Variants in IP6K1 observed in about 807,000 individuals in gnomAD.
IP6K1 encodes ATP:1D-myo-inositol-hexakisphosphate phosphotransferase.
A neutral mutation model predicts 38.3 loss-of-function variants in IP6K1; 13 were observed. The observed-to-expected ratio is 0.34, with a 90% CI of 0.22 to 0.54. The LOEUF (loss-of-function observed/expected upper bound fraction) is 0.54. Ranked by LOEUF, IP6K1 falls within the 20% of genes least tolerant of loss-of-function variation. The pLI, the probability that IP6K1 is intolerant of heterozygous loss-of-function variation, is 0.92. For synonymous variants in IP6K1, 212 were observed against 229.9 expected, an observed-to-expected ratio of 0.92 and a Z score of 0.70; for missense variants, 397 against 599.8, an observed-to-expected ratio of 0.66 and a Z score of 3.53.
intron 1 of IP6K1, among the ~76,000 whole-genome samples, chr3:49,751,155 T>TG (rs60480891): frequency 0.41 from 37,989 of 93,754 alleles, 5,192 homozygotes; most frequent in South Asian, 0.49. Context: ...CTCCTTTTTT[T>TG]TTTGTTGTTG....
At chr3:49,772,102 T>C (rs2080964813) in intron 1 of IP6K1, among the ~76,000 whole-genome samples, 1 of 151,710 alleles carries the variant, frequency 6.6e-6, no homozygotes, top group Non-Finnish European at 1.5e-5. Context: ...CCCAGCTACT[T>C]GGGAAGCTGA....
At chr3:49,781,140 C>T (rs1356698725) in intron 1 of IP6K1, among the ~76,000 whole-genome samples, 2 of 151,510 alleles carry the variant, frequency 1.3e-5, no homozygotes, top group African/African-American at 2.4e-5. Flanking sequence ...CAGCTCACTG[C>T]AACCTCTGCC....
chr3:49,772,227 AT>A (rs1165368259), intron 1 of IP6K1, among the ~76,000 whole-genome samples: 105 of 106,686 alleles, frequency 9.8e-4, no homozygotes, highest in South Asian at 2.4e-3. Flanking sequence ...AAAAAAAAAT[AT>A]ATATATATAT....
intron 1 of IP6K1, among the ~76,000 whole-genome samples, chr3:49,756,498 G>A (rs547206731): frequency 1.1e-4 from 16 of 152,152 alleles, no homozygotes; most frequent in African/African-American, 3.9e-4. Context: ...AGTGATACAG[G>A]GGAAATCAAA....
intron 1 of IP6K1, among the ~76,000 whole-genome samples, chr3:49,760,460 C>T (rs560569862): frequency 1.3e-5 from 2 of 151,986 alleles, no homozygotes; most frequent in East Asian, 1.9e-4. Context: ...CCCGTCTTTA[C>T]TAAAAATACA....
intron 1 of IP6K1, chr3:49,775,510 T>C (rs747750790): frequency 4.8e-5 from 43 of 890,778 alleles, no homozygotes; most frequent in Non-Finnish European, 6.7e-5. Context: ...GAGTGCACCA[T>C]CTAGGAGAAG....
intron 1 of IP6K1, among the ~76,000 whole-genome samples, chr3:49,759,965 C>T (rs1271666621): frequency 6.6e-6 from 1 of 152,166 alleles, no homozygotes; most frequent in African/African-American, 2.4e-5. Context: ...TGCAGTGGCA[C>T]GATCACGGGT....
intron 1 of IP6K1, among the ~76,000 whole-genome samples, chr3:49,783,442 G>C (rs2081084944): frequency 6.6e-6 from 1 of 151,954 alleles, no homozygotes; most frequent in African/African-American, 2.4e-5. Context: ...GCTGGGTGCA[G>C]TAGCTCTCGC....
At chr3:49,744,011 G>T (rs1199612238) in intron 2 of IP6K1, among the ~76,000 whole-genome samples, 2 of 152,142 alleles carry the variant, frequency 1.3e-5, no homozygotes, top group African/African-American at 4.8e-5. Context: ...AATGGTGTGT[G>T]TAATGCCTAA....
chr3:49,749,470 A>C (rs942075616), intron 1 of IP6K1, among the ~76,000 whole-genome samples: 7 of 152,238 alleles, frequency 4.6e-5, no homozygotes, highest in Non-Finnish European at 1.0e-4. Flanking sequence ...AATACATCAG[A>C]AAGATTAAGA....
chr3:49,752,725 G>T (rs2080789144), intron 1 of IP6K1, among the ~76,000 whole-genome samples: 1 of 150,938 alleles, frequency 6.6e-6, no homozygotes, highest in South Asian at 2.1e-4. Flanking sequence ...CAAAGTGCTG[G>T]GGATTACAGG....
chr3:49,744,492 G>A (rs2080704779), intron 2 of IP6K1, among the ~76,000 whole-genome samples: 1 of 150,360 alleles, frequency 6.7e-6, no homozygotes, highest in Non-Finnish European at 1.5e-5. Context: ...GTATAGACTT[G>A]TGGATATTTT....
chr3:49,784,041 G>A (rs1485468031), intron 1 of IP6K1, among the ~76,000 whole-genome samples: 2 of 151,870 alleles, frequency 1.3e-5, no homozygotes, highest in Non-Finnish European at 2.9e-5. Context: ...TTTGGAGACT[G>A]AGTCTCACTC....
At chr3:49,752,845 C>T (rs1360728624) in intron 1 of IP6K1, among the ~76,000 whole-genome samples, 1 of 151,734 alleles carries the variant, frequency 6.6e-6, no homozygotes, top group Non-Finnish European at 1.5e-5. Context: ...CCTCCACCTC[C>T]TGGGTTCAAG....
intron 2 of IP6K1, among the ~76,000 whole-genome samples, chr3:49,739,091 T>C (rs1335424049): frequency 3.3e-5 from 5 of 152,176 alleles, no homozygotes; most frequent in African/African-American, 1.2e-4. Flanking sequence ...CTCTCAAGTG[T>C]TCTTAATACA....
Position 49,738,241 on chromosome 3 carries a change from T to C in IP6K1, c.405A>G (p.Lys135=). 1 of 1,614,220 alleles carries C rather than the reference T, an allele frequency of 6.2e-7. No individual in the cohort carries two copies. Among genetic ancestry groups the C allele is most frequent in the Non-Finnish European group, 8.5e-7 (1 of 1,180,038 alleles). ...SGSGSDHKEE[K]ASLSLETSES... The stretch of plus-strand genomic sequence containing the variant: ...CAGAGGTCTCAAGGGACAGGCTGGC[T>C]TTCTCCTCCTTGTGGTCACTGCCAC... Residue 135 remains lysine, a synonymous_variant, in exon 3 of 6, where the codon AAA becomes AAG. Coordinates refer to ENST00000321599, the MANE Select transcript of IP6K1 (RefSeq NM_153273.4).
intron 1 of IP6K1, among the ~76,000 whole-genome samples, chr3:49,767,753 C>T (rs116766128): frequency 0.022 from 3,303 of 151,714 alleles, 127 homozygotes; most frequent in African/African-American, 0.074. Context: ...TCTAAAAAAC[C>T]GATTAATTAA....
intron 1 of IP6K1, among the ~76,000 whole-genome samples, chr3:49,754,346 A>G (rs1398379617): frequency 6.6e-6 from 1 of 151,068 alleles, no homozygotes; most frequent in Non-Finnish European, 1.5e-5. Context: ...ACAGCACTCC[A>G]GCCTGGGTGA....
chr3:49,749,079 G>A (rs891249840), intron 1 of IP6K1, among the ~76,000 whole-genome samples: 7 of 152,162 alleles, frequency 4.6e-5, no homozygotes, highest in Non-Finnish European at 7.4e-5. Context: ...GCAGAGCTCC[G>A]GCGGTAATGC....
Sources: allele counts gnomAD v4.1 joint callset (sites outside exome capture counted in the v4.1 genomes callset), GRCh38; gene constraint gnomAD v4.1.1; transcripts MANE v1.5; gene names NCBI Gene and HGNC (gene_info 2026-07-23, HGNC 2026-07-21).